HMCN2: variants seen among roughly 807,000 people sequenced by gnomAD.
HMCN2 encodes hemicentin-2.
Under a neutral mutation model 377.5 loss-of-function variants are expected in HMCN2, and 325 were observed. The observed-to-expected ratio is 0.86, with a 90% CI of 0.79 to 0.94. The LOEUF (loss-of-function observed/expected upper bound fraction) is 0.94, where lower values mean the gene tolerates loss of function less well. Among genes scored for constraint, HMCN2 ranks in the 40% least tolerant of loss-of-function variants. The pLI is 0.00. For missense variants in HMCN2, 4,543 were observed against 4,725.3 expected, an observed-to-expected ratio of 0.96 and a Z score of 1.13; for synonymous variants, 2,007 against 2,046.8, an observed-to-expected ratio of 0.98 and a Z score of 0.53.
At chr9:130,402,752 T>A in intron 77 of HMCN2, 37 bp from the exon 78 acceptor site, 1 of 1,240,914 alleles carries the variant, frequency 8.1e-7, no homozygotes, top group Non-Finnish European at 1.1e-6. Flanking sequence ...CCTGGGGACC[T>A]CTGTCCTGAT....
intron 34 of HMCN2, among the ~76,000 whole-genome samples, chr9:130,357,478 G>A (rs1472877637): frequency 1.3e-5 from 2 of 148,824 alleles, no homozygotes; most frequent in African/African-American, 2.5e-5. Context: ...GGATGGAAGG[G>A]TGAGTGGGTG....
In HMCN2 at chr9:130,341,245, CG is replaced by C; in HGVS notation, c.3627del (p.Pro1210LeufsTer154). Reference protein sequence around the residue: ...WSKDGVVLQGRGPQGSVHFAA... With the variant: ...WSKDGVVLQGXGPQGSVHFAA... ...CAAGGATGGCGTGGTGTTGCAGGGC[CG>C]GGGGCCTCAGGGCTCCGTCCACTTC... On this transcript the variant is annotated frameshift_variant, in exon 24 of 98. Coordinates refer to ENST00000683500, the MANE Select transcript of HMCN2 (RefSeq NM_001291815.2). LOFTEE classifies it high-confidence loss of function. 6.6e-6 allele frequency: 1 copy of C among 152,448 alleles called. No individual in the cohort carries two copies. Among genetic ancestry groups the C allele is most frequent in the Non-Finnish European group, 1.5e-5 (1 of 68,130 alleles). 9.4% of individuals were successfully genotyped at this position (152,448 alleles called of 1,614,324 possible).
At chr9:130,275,140 GT>G (rs144082878) in intron 1 of HMCN2, among the ~76,000 whole-genome samples, 1 of 152,008 alleles carries the variant, frequency 6.6e-6, no homozygotes. Flanking sequence ...TTTTTTCCTT[GT>G]TTTTTTGCTA....
In HMCN2 at chr9:130,283,710, C is replaced by T. The variant is rs181023172; in HGVS notation, c.260-893C>T. Among the ~76,000 whole-genome samples, 1,124 of 152,290 alleles carry T rather than the reference C, an allele frequency of 7.4e-3. 19 individuals are homozygous for T. Among genetic ancestry groups the T allele is most frequent in the African/African-American group, 0.026 (1,075 of 41,566 alleles). ...GTGCTGTTTTGCGTCTGGCTTCTCT[C>T]GCGTGGGAGGTGCCCCTGTTGTTGC... On this transcript the variant is annotated intron_variant, in intron 1 of 97. Coordinates refer to ENST00000683500, the MANE Select transcript of HMCN2 (RefSeq NM_001291815.2).
At chr9:130,371,789 A>G (rs548824360) in intron 46 of HMCN2, among the ~76,000 whole-genome samples, 1 of 152,350 alleles carries the variant, frequency 6.6e-6, no homozygotes, top group East Asian at 1.9e-4. Context: ...GAATGTGGCA[A>G]TCAGTTAGTA....
chr9:130,425,651 A>ACCC, intron 89 of HMCN2, 36 bp from the exon 90 acceptor site: 3 of 432,318 alleles, frequency 6.9e-6, no homozygotes, highest in Non-Finnish European at 1.1e-5. Context: ...CCTCTCCCCC[A>ACCC]CCCCTCCTCC....
rs1416643284 is a variant in HMCN2 at position 130,395,320 on chromosome 9, G to A, written c.10884G>A (p.Thr3628=). The change falls in exon 71 of 98, where the codon ACG becomes ACA. Residue 3628 remains threonine (T), a synonymous_variant. Coordinates refer to ENST00000683500, the MANE Select transcript of HMCN2 (RefSeq NM_001291815.2). ...SVEAEPAPKI[T]WHRDGIVLQE... ...AGGCAGAGCCAGCGCCCAAGATCAC[G>A]TGGCACCGAGACGGCATTGTGCTGC... is the stretch of plus-strand genomic sequence containing the variant. The A allele has an allele frequency of 7.8e-7, 1 of 1,289,186 alleles. No individual in the cohort carries two copies. Among genetic ancestry groups the A allele is most frequent in the African/African-American group, 1.5e-5 (1 of 65,834 alleles). 79.9% of individuals were successfully genotyped at this position (1,289,186 alleles called of 1,614,324 possible).
Position 130,414,332 on chromosome 9 carries a change from C to A in HMCN2, c.12961+3680C>A, listed in dbSNP as rs1473650784. 6.6e-6 allele frequency among the ~76,000 whole-genome samples: 1 copy of A among 152,210 alleles called. No homozygotes were observed. Among genetic ancestry groups the A allele is most frequent in the African/African-American group, 2.4e-5 (1 of 41,460 alleles). On this transcript the variant is annotated intron_variant, in intron 85 of 97. Transcript: ENST00000683500. The surrounding 1 kb of genome is among the most constrained non-coding windows in gnomAD (Gnocchi z 4.4). ...ACCCATGCTCAGCAGTAATGAGGCA[C>A]CCCTCCCTGTTCCGGGCTGACCATG...
chr9:130,316,156 G>C (rs2131385725), intron 15 of HMCN2, among the ~76,000 whole-genome samples: 1 of 152,336 alleles, frequency 6.6e-6, no homozygotes, highest in Admixed American at 6.5e-5. Flanking sequence ...TCAGTGAGAA[G>C]TGGATGGAAT....
Position 130,310,071 on chromosome 9 carries a change from T to C in HMCN2, c.2350+10T>C, listed in dbSNP as rs377312347. 3 of 523,088 alleles carry C rather than the reference T, an allele frequency of 5.7e-6. No individual in the cohort carries two copies. The highest frequency in any genetic ancestry group is 7.9e-6 in the Non-Finnish European group (2 of 252,920). 32.4% of individuals were successfully genotyped at this position (523,088 alleles called of 1,614,324 possible). ...CAGCTGGCGGTTGGACGTGAGTGTA[T>C]ACCTTGTCTCCCCCTCCCCTGCCCA... On this transcript the variant is annotated intron_variant, in intron 15 of 97. Coordinates refer to ENST00000683500, the MANE Select transcript of HMCN2 (RefSeq NM_001291815.2).
intron 52 of HMCN2, 96 bp downstream of exon 52, chr9:130,376,754 C>A: frequency 1.3e-6 from 1 of 744,930 alleles, no homozygotes; most frequent in Non-Finnish European, 1.6e-6. Flanking sequence ...CTTAAAGCAC[C>A]TAGCCCTAGA....
At chr9:130,382,900 TGGCTGCTGA>T in intron 56 of HMCN2, 34 bp downstream of exon 56, 1 of 980,316 alleles carries the variant, frequency 1.0e-6, no homozygotes, top group East Asian at 1.1e-4. Context: ...CTAGGGGCAG[TGGCTGCTGA>T]GGCCCAGCAC....
chr9:130,310,918 G>A (rs1395828080), intron 15 of HMCN2, among the ~76,000 whole-genome samples: 1 of 152,202 alleles, frequency 6.6e-6, no homozygotes, highest in African/African-American at 2.4e-5. Context: ...GTGAAATCAG[G>A]CCTGTTAGCA....
At chr9:130,281,608 A>G (rs1459241146) in intron 1 of HMCN2, among the ~76,000 whole-genome samples, 1 of 81,658 alleles carries the variant, frequency 1.2e-5, no homozygotes, top group Non-Finnish European at 2.4e-5. Flanking sequence ...AAAAAAAAAA[A>G]GGACTGGCGC....
chr9:130,353,745 G>T (rs1162084426), intron 31 of HMCN2, among the ~76,000 whole-genome samples: 1 of 152,224 alleles, frequency 6.6e-6, no homozygotes, highest in Non-Finnish European at 1.5e-5. Context: ...CAGACCTCAT[G>T]CTGTGAACCT....
Position 130,303,303 on chromosome 9 carries a change from C to T in HMCN2, c.1422-184C>T, listed in dbSNP as rs1458090161. ...GCCCAGGACTCAGAGAGAGGAAGGG[C>T]CTGACTCCAAGTCACACAGCATGTC... On this transcript the variant is annotated intron_variant, in intron 9 of 97. Transcript: ENST00000683500. The surrounding 1 kb of genome is among the most constrained non-coding windows in gnomAD (Gnocchi z 5.2). 6.6e-6 allele frequency among the ~76,000 whole-genome samples: 1 copy of T among 152,200 alleles called. No individual in the cohort carries two copies. Among genetic ancestry groups the T allele is most frequent in the Non-Finnish European group, 1.5e-5 (1 of 68,028 alleles).
chr9:130,368,208 T>C (rs1421225947), intron 43 of HMCN2, 68 bp from the exon 44 acceptor site: 3 of 948,756 alleles, frequency 3.2e-6, no homozygotes, highest in Non-Finnish European at 3.8e-6. Context: ...GGACAAACTT[T>C]CCATGTGGAA....
intron 85 of HMCN2, among the ~76,000 whole-genome samples, chr9:130,416,046 C>G (rs1402911331): frequency 6.6e-6 from 1 of 151,966 alleles, no homozygotes; most frequent in Non-Finnish European, 1.5e-5. Context: ...GGCACAGCCC[C>G]AGGCAGGAGG....
chr9:130,364,131 C>T (rs1417236125), intron 40 of HMCN2, among the ~76,000 whole-genome samples: 6 of 152,196 alleles, frequency 3.9e-5, no homozygotes, highest in African/African-American at 1.4e-4. Context: ...GCCCAAGAGC[C>T]CCACCTGTGC....
Sources: allele counts gnomAD v4.1 joint callset (sites outside exome capture counted in the v4.1 genomes callset), GRCh38; gene constraint gnomAD v4.1.1; non-coding constraint Gnocchi (gnomAD v3.1); transcripts MANE v1.5; gene names NCBI Gene and HGNC (gene_info 2026-07-23, HGNC 2026-07-21).